RFPL1: variants seen among roughly 807,000 people sequenced by gnomAD.
RFPL1 encodes the protein ret finger protein-like 1.
RFPL1 carries 6 observed loss-of-function variants against 9.6 expected under a neutral mutation model. That is an observed-to-expected ratio of 0.62 (90% CI 0.34 to 1.23). The LOEUF (loss-of-function observed/expected upper bound fraction) is 1.23. Among genes scored for constraint, RFPL1 ranks in the 50% most tolerant of loss-of-function variants. RFPL1 has a pLI of 0.03. For missense variants in RFPL1, 352 were observed against 398.4 expected, an observed-to-expected ratio of 0.88 and a Z score of 0.99; for synonymous variants, 145 against 149.4, an observed-to-expected ratio of 0.97 and a Z score of 0.22.
At chr22:29,396,793 T>C in the RFPL1 span, among the ~76,000 whole-genome samples, 3 of 151,954 alleles carry the variant, frequency 2.0e-5, no homozygotes, top group African/African-American at 7.3e-5. Flanking sequence ...TTGTATTTTT[T>C]GTGGAGACAG....
At chr22:29,395,868 G>A in the RFPL1 span, among the ~76,000 whole-genome samples, 45 of 152,120 alleles carry the variant, frequency 3.0e-4, no homozygotes, top group African/African-American at 1.1e-3. Context: ...AACTACTAGG[G>A]GGGCTGAGGC....
chr22:29,437,635 A>C (rs1486884273), upstream of RFPL1: 11 of 1,592,156 alleles, frequency 6.9e-6, no homozygotes, highest in Non-Finnish European at 9.4e-6. Context: ...GGAGGTGGGA[A>C]TCTCACCAAT....
upstream of RFPL1, chr22:29,437,588 C>T: frequency 1.3e-6 from 2 of 1,566,426 alleles, no homozygotes; most frequent in Admixed American, 1.7e-5. Context: ...ATCAAAGCCT[C>T]ATTAGGTTAG....
chr22:29,435,335 T>C (rs369389008), upstream of RFPL1, among the ~76,000 whole-genome samples: 1 of 151,956 alleles, frequency 6.6e-6, no homozygotes, highest in East Asian at 1.9e-4. Flanking sequence ...ATCTATCTTG[T>C]TGTCTGTTCC....
chr22:29,418,740 C>T, the RFPL1 span, among the ~76,000 whole-genome samples: 10 of 152,060 alleles, frequency 6.6e-5, no homozygotes, highest in African/African-American at 9.7e-5. Context: ...CCTCGAGATC[C>T]GCCCACCTGG....
At chr22:29,429,082 G>A in the RFPL1 span, among the ~76,000 whole-genome samples, 4 of 152,112 alleles carry the variant, frequency 2.6e-5, no homozygotes, top group African/African-American at 4.8e-5. Context: ...TTTAGATAGG[G>A]TCTCGCTCTG....
chr22:29,405,387 A>G, the RFPL1 span, among the ~76,000 whole-genome samples: 1 of 152,206 alleles, frequency 6.6e-6, no homozygotes, highest in Non-Finnish European at 1.5e-5. Context: ...CCCAAAATAG[A>G]GTGGATTTAG....
At chr22:29,440,042 C>T (rs2062830574) in intron 1 of RFPL1, 1 of 152,060 alleles carries the variant, frequency 6.6e-6, no homozygotes, top group Admixed American at 6.6e-5. Context: ...ACAGAAAATA[C>T]TATCACTCTC....
the RFPL1 span, among the ~76,000 whole-genome samples, chr22:29,395,354 A>G: frequency 6.6e-6 from 1 of 152,012 alleles, no homozygotes; most frequent in Admixed American, 6.6e-5. Context: ...AGCCTTTCTA[A>G]AAGGAGGCAG....
chr22:29,391,751 G>A, the RFPL1 span, among the ~76,000 whole-genome samples: 5 of 152,288 alleles, frequency 3.3e-5, no homozygotes, highest in African/African-American at 4.8e-5. Flanking sequence ...GAACTGTGCC[G>A]AGGCAGGAAA....
At chr22:29,435,720 A>G (rs2062805505), upstream of RFPL1, among the ~76,000 whole-genome samples, 1 of 145,180 alleles carries the variant, frequency 6.9e-6, no homozygotes. Flanking sequence ...ATATATATAC[A>G]AAGAAAAAAA....
chr22:29,439,362 G>GAGCCACCATGCCCA, intron 1 of RFPL1, 198 bp downstream of exon 1: 4 of 821,690 alleles, frequency 4.9e-6, no homozygotes, highest in Non-Finnish European at 7.4e-6. Context: ...GGCTGGGCAT[G>GAGCCACCATGCCCA]GTGGCTCATG....
upstream of RFPL1, among the ~76,000 whole-genome samples, chr22:29,433,741 A>G (rs1232645901): frequency 6.6e-6 from 1 of 152,206 alleles, no homozygotes; most frequent in Admixed American, 6.5e-5. Flanking sequence ...AGAAAATATA[A>G]CATTTAAGTC....
At chr22:29,414,832 A>G in the RFPL1 span, among the ~76,000 whole-genome samples, 1 of 147,388 alleles carries the variant, frequency 6.8e-6, no homozygotes, top group Non-Finnish European at 1.5e-5. Context: ...TTTTTTTTTA[A>G]TTAGGATACT....
chr22:29,437,316 C>T, upstream of RFPL1: 1 of 254,372 alleles, frequency 3.9e-6, no homozygotes, highest in Non-Finnish European at 7.5e-6. Flanking sequence ...AATTGCAAAT[C>T]CAATCATACT....
the RFPL1 span, among the ~76,000 whole-genome samples, chr22:29,432,697 C>T: frequency 6.6e-6 from 1 of 152,232 alleles, no homozygotes; most frequent in African/African-American, 2.4e-5. Context: ...CTAGACCCTT[C>T]ACAACACCAG....
the RFPL1 span, among the ~76,000 whole-genome samples, chr22:29,388,193 C>G: frequency 1.3e-5 from 2 of 152,068 alleles, no homozygotes; most frequent in African/African-American, 2.4e-5. Flanking sequence ...GGCGGAAGCC[C>G]CAGGAGGTGC....
the RFPL1 span, among the ~76,000 whole-genome samples, chr22:29,424,148 T>C: frequency 1.6e-4 from 25 of 151,948 alleles, no homozygotes; most frequent in East Asian, 1.4e-3. Context: ...CCACTGCACT[T>C]CAGCCTGGGA....
At chr22:29,438,767 A>C (rs1278169920) in exon 1 of RFPL1, 1 of 1,603,344 alleles carries the variant, frequency 6.2e-7, no homozygotes, top group African/African-American at 1.3e-5. Context: ...AGAAGTGACA[A>C]AGCTGGGACA....
Sources: allele counts gnomAD v4.1 joint callset (sites outside exome capture counted in the v4.1 genomes callset), GRCh38; gene constraint gnomAD v4.1.1; transcripts MANE v1.5; gene names NCBI Gene and HGNC (gene_info 2026-07-23, HGNC 2026-07-21).